Variants in CSDE1 observed in about 807,000 individuals in gnomAD.
The protein encoded by CSDE1 is cold shock domain-containing protein E1.
Under a neutral mutation model 89.3 loss-of-function variants are expected in CSDE1, and 17 were observed. That is an observed-to-expected ratio of 0.19 (90% CI 0.13 to 0.29). The LOEUF (loss-of-function observed/expected upper bound fraction) is 0.29. Ranked by LOEUF, CSDE1 falls within the 10% of genes least tolerant of loss-of-function variation. The pLI, the probability that CSDE1 is intolerant of heterozygous loss-of-function variation, is 1.00. For missense variants in CSDE1, 672 were observed against 984.2 expected (o/e 0.68, Z 4.24); for synonymous variants, 322 against 332.8 (o/e 0.97, Z 0.35).
intron 18 of CSDE1, 56 bp from the exon 19 acceptor site, chr1:114,718,801 A>G: frequency 6.3e-7 from 1 of 1,595,138 alleles, no homozygotes; most frequent in South Asian, 1.1e-5. Context: ...GACAGCAAGC[A>G]CTTGCAAAGG....
chr1:114,723,796 T>A, intron 16 of CSDE1, 87 bp downstream of exon 16: 1 of 1,570,360 alleles, frequency 6.4e-7, no homozygotes, highest in East Asian at 2.3e-5. Flanking sequence ...TAAAAACAAC[T>A]GCAATAAGCA....
intron 2 of CSDE1, chr1:114,741,590 T>C (rs745772661): frequency 1.9e-6 from 3 of 1,549,928 alleles, no homozygotes; most frequent in Non-Finnish European, 1.7e-6. Flanking sequence ...AAGATGAAGA[T>C]AAGGGTAAAG....
In CSDE1 at chr1:114,734,491, A is replaced by T; in HGVS notation, c.533T>A (p.Leu178Gln). The T allele has an allele frequency of 6.2e-7, 1 of 1,613,068 alleles. No homozygotes were observed. The change falls in exon 7 of 20, where the codon CTG becomes CAG. Residue 178 changes from leucine (L) to glutamine (Q), a missense_variant. Physicochemically the swap from Leu to Gln is moderately radical, Grantham distance 113. Coordinates refer to ENST00000358528, the MANE Select transcript of CSDE1 (RefSeq NM_001007553.3). ...TGAVSARNIMLLKKKQARCQG... is the reference protein window; with the variant it reads ...TGAVSARNIMQLKKKQARCQG... ...ACAGCGGGCTTGTTTCTTTTTCAAC[A>T]GCATAATGTTGCGAGCACTTACAGC...
At chr1:114,756,251 C>G (rs955915732) in intron 1 of CSDE1, among the ~76,000 whole-genome samples, 1 of 152,220 alleles carries the variant, frequency 6.6e-6, no homozygotes, top group Non-Finnish European at 1.5e-5. Flanking sequence ...AAATAATCAT[C>G]TCGATGGTAA....
intron 15 of CSDE1, among the ~76,000 whole-genome samples, chr1:114,724,802 C>T (rs1170069617): frequency 6.6e-6 from 1 of 152,116 alleles, no homozygotes; most frequent in African/African-American, 2.4e-5. Context: ...TGGCTCACTG[C>T]AGTCTCAACC....
chr1:114,741,794 G>A (rs1660740620), intron 2 of CSDE1: 2 of 669,764 alleles, frequency 3.0e-6, no homozygotes, highest in South Asian at 3.9e-5. Context: ...CTATTGACAG[G>A]AAATACATAG....
chr1:114,729,685 G>A (rs1660001489), intron 12 of CSDE1, among the ~76,000 whole-genome samples: 1 of 151,888 alleles, frequency 6.6e-6, no homozygotes, highest in African/African-American at 2.4e-5. Flanking sequence ...GAGCACTATC[G>A]CTGACCTTCA....
chr1:114,742,783 T>C (rs987796401), intron 2 of CSDE1, among the ~76,000 whole-genome samples: 1 of 152,196 alleles, frequency 6.6e-6, no homozygotes, highest in Non-Finnish European at 1.5e-5. Context: ...GACTATGACA[T>C]GGACTTAAAT....
intron 6 of CSDE1, 148 bp from the exon 7 acceptor site, chr1:114,734,671 G>T (rs1488168671): frequency 3.3e-6 from 2 of 611,926 alleles, no homozygotes; most frequent in South Asian, 2.4e-5. Flanking sequence ...TATGACATTT[G>T]ATTATTTTCA....
chr1:114,727,197 G>A (rs1659843933), intron 12 of CSDE1, 107 bp from the exon 13 acceptor site: 1 of 692,806 alleles, frequency 1.4e-6, no homozygotes, highest in Admixed American at 2.9e-5. Context: ...TGGTACAGCT[G>A]TAAAAATGTC....
chr1:114,721,308 T>G (rs1249340178), intron 16 of CSDE1, among the ~76,000 whole-genome samples: 3 of 152,144 alleles, frequency 2.0e-5, no homozygotes, highest in Non-Finnish European at 4.4e-5. Flanking sequence ...AACTCTGCTG[T>G]TGTAGTGAGA....
At chr1:114,753,432 T>G (rs148280772) in intron 1 of CSDE1, among the ~76,000 whole-genome samples, 93 of 152,340 alleles carry the variant, frequency 6.1e-4, no homozygotes, top group African/African-American at 2.2e-3. Flanking sequence ...GTTAACTAAA[T>G]GTTTTTCAAT....
At chr1:114,722,451 T>C (rs1430891028) in intron 16 of CSDE1, among the ~76,000 whole-genome samples, 1 of 152,220 alleles carries the variant, frequency 6.6e-6, no homozygotes, top group East Asian at 1.9e-4. Context: ...CAGATCTAGG[T>C]CTGCCCAACT....
intron 12 of CSDE1, among the ~76,000 whole-genome samples, chr1:114,727,417 GA>G (rs1335283587): frequency 6.6e-6 from 1 of 152,116 alleles, no homozygotes; most frequent in African/African-American, 2.4e-5. Context: ...TACTTCCAAG[GA>G]AGTGGAAATT....
chr1:114,752,474 C>A (rs146442883), intron 1 of CSDE1, among the ~76,000 whole-genome samples: 1 of 152,262 alleles, frequency 6.6e-6, no homozygotes, highest in African/African-American at 2.4e-5. Context: ...TTATCTCCCC[C>A]CAACCCCTGC....
intron 6 of CSDE1, among the ~76,000 whole-genome samples, chr1:114,735,247 T>C (rs1262940247): frequency 6.6e-6 from 1 of 152,222 alleles, no homozygotes; most frequent in Non-Finnish European, 1.5e-5. Flanking sequence ...ATAATGGTAC[T>C]GTTAGTCTAA....
At chr1:114,724,113 T>A (rs886504241) in intron 15 of CSDE1, 111 bp from the exon 16 acceptor site, 5 of 1,239,292 alleles carry the variant, frequency 4.0e-6, no homozygotes, top group Non-Finnish European at 4.4e-6. Context: ...GTTGGCTGGC[T>A]GCTATTGAAA....
chr1:114,726,480 C>T, intron 13 of CSDE1, 94 bp from the exon 14 acceptor site: 1 of 933,052 alleles, frequency 1.1e-6, no homozygotes, highest in Non-Finnish European at 1.6e-6. Context: ...CCAGCGCATG[C>T]TTTTCATTCC....
chr1:114,744,171 G>A (rs374181928), intron 2 of CSDE1, among the ~76,000 whole-genome samples: 2 of 152,112 alleles, frequency 1.3e-5, no homozygotes, highest in Admixed American at 6.5e-5. Flanking sequence ...GGACCCAGTA[G>A]GTAAATGTTA....
Sources: allele counts gnomAD v4.1 joint callset (sites outside exome capture counted in the v4.1 genomes callset), GRCh38; gene constraint gnomAD v4.1.1; transcripts MANE v1.5; gene names NCBI Gene and HGNC (gene_info 2026-07-23, HGNC 2026-07-21).